COL5A1: variants seen among roughly 807,000 people sequenced by gnomAD.
COL5A1 encodes the protein collagen alpha-1(V) chain.
A neutral mutation model predicts 263.7 loss-of-function variants in COL5A1; 16 were observed. The observed-to-expected ratio is 0.06, with a 90% CI of 0.04 to 0.09. The LOEUF is 0.09. COL5A1 is among the 10% of genes least tolerant of loss of function. The probability of loss-of-function intolerance (pLI) is 1.00; values close to 1 mark genes in which losing one functional copy is unlikely to be tolerated. For synonymous variants in COL5A1, 1,012 were observed against 1,004.5 expected (o/e 1.01, Z -0.14); for missense variants, 2,036 against 2,540.5 (o/e 0.80, Z 4.27).
Position 134,810,990 on chromosome 9 carries a change from C to T in COL5A1, c.3529-349C>T, listed in dbSNP as rs113692415. ...GCACAGCAGGGGACATGGTGCTGGG[C>T]GCAAGGGCTCCAGAGGAGCTTGTGA... On this transcript the variant is annotated intron_variant, in intron 44 of 65. Coordinates refer to ENST00000371817, the MANE Select transcript of COL5A1 (RefSeq NM_000093.5). Among the ~76,000 whole-genome samples, 324 of 152,264 alleles carry T rather than the reference C, an allele frequency of 2.1e-3. 1 individual carries two copies. Among genetic ancestry groups the T allele is most frequent in the African/African-American group, 4.0e-3 (165 of 41,572 alleles).
At chr9:134,770,140 A>G (rs1027070473) in intron 25 of COL5A1, among the ~76,000 whole-genome samples, 2 of 152,262 alleles carry the variant, frequency 1.3e-5, no homozygotes, top group African/African-American at 4.8e-5. Flanking sequence ...AGCCCCAGCC[A>G]TCTCCCACGA....
chr9:134,763,163 C>T (rs1244341972), intron 19 of COL5A1, among the ~76,000 whole-genome samples: 2 of 152,210 alleles, frequency 1.3e-5, no homozygotes, highest in South Asian at 2.1e-4. Flanking sequence ...GTGAGGCGGG[C>T]GGGAAGGTGC....
chr9:134,662,291 G>GGGT (rs1832233480), intron 1 of COL5A1, among the ~76,000 whole-genome samples: 1 of 152,152 alleles, frequency 6.6e-6, no homozygotes, highest in Admixed American at 6.5e-5. Context: ...CTTCCAGGCC[G>GGGT]CTCAGGGCAG....
intron 43 of COL5A1, 25 bp from the exon 44 acceptor site, chr9:134,810,230 C>T (rs758032288): frequency 1.9e-6 from 3 of 1,613,720 alleles, no homozygotes; most frequent in Non-Finnish European, 2.5e-6. Flanking sequence ...AGCTTTCTAA[C>T]CGAATCCCCC....
chr9:134,789,275 T>C lies in COL5A1; in HGVS notation c.2700+67T>C. On this transcript the variant is annotated intron_variant, in intron 32 of 65. Transcript: ENST00000371817. The surrounding 1 kb of genome is among the most constrained non-coding windows in gnomAD (Gnocchi z 4.8). The stretch of plus-strand genomic sequence containing the variant: ...GCCTCGGTGCCTAGCAAGTTGGTTC[T>C]CCAGCCGACGGCCTGTTTATTTCTC... The C allele has an allele frequency of 1.5e-6, 2 of 1,317,700 alleles. No homozygotes were observed. Among genetic ancestry groups the C allele is most frequent in the Non-Finnish European group, 1.1e-6 (1 of 918,240 alleles). 81.6% of individuals were successfully genotyped at this position (1,317,700 alleles called of 1,614,324 possible).
At position 134,741,515 on chromosome 9, in the gene COL5A1, T is replaced by C. The variant is rs1039358222; in HGVS notation, c.1494+2707T>C. Among the ~76,000 whole-genome samples, 33 of 151,842 alleles carry C rather than the reference T, an allele frequency of 2.2e-4. No homozygotes were observed. Among genetic ancestry groups the C allele is most frequent in the African/African-American group, 7.7e-4 (32 of 41,310 alleles). On this transcript the variant is annotated intron_variant, in intron 11 of 65. Transcript: ENST00000371817. This position sits in a 1 kb window ranked among gnomAD's most constrained non-coding sequence, Gnocchi z 4.5. ...AACGAATGGAAGATTAAGGTTATCT[T>C]GGCAAAGTCTGTTGATGCAGATTCA... is the stretch of plus-strand genomic sequence containing the variant.
In COL5A1 at chr9:134,647,781, A is replaced by G. The variant is rs73556941; in HGVS notation, c.109+5485A>G. On this transcript the variant is annotated intron_variant, in intron 1 of 65. Transcript: ENST00000371817. This position sits in a 1 kb window ranked among gnomAD's most constrained non-coding sequence, Gnocchi z 5.0. ...ACATTATGGCTCCCGCTTCTCCTCT[A>G]TTTACATTCTCCCATATAATTGACT... is the stretch of plus-strand genomic sequence containing the variant. Among the ~76,000 whole-genome samples, 747 of 152,064 alleles carry G rather than the reference A, an allele frequency of 4.9e-3. 8 individuals are homozygous for G. The highest frequency in any genetic ancestry group is 0.017 in the African/African-American group (719 of 41,470).
intron 8 of COL5A1, 122 bp downstream of exon 8, chr9:134,731,785 A>G: frequency 8.8e-7 from 1 of 1,132,922 alleles, no homozygotes; most frequent in Non-Finnish European, 1.2e-6. Context: ...GTTACACCCT[A>G]TTCCCAAAAC....
chr9:134,805,821 C>T (rs34144076), intron 41 of COL5A1, among the ~76,000 whole-genome samples: 5,747 of 150,302 alleles, frequency 0.038, 133 homozygotes, highest in Non-Finnish European at 0.057. Context: ...AGGGGGTGCC[C>T]CGTGGGCTCT....
chr9:134,658,086 C>T (rs1016756186), intron 1 of COL5A1, among the ~76,000 whole-genome samples: 2 of 151,952 alleles, frequency 1.3e-5, no homozygotes, highest in Non-Finnish European at 1.5e-5. Flanking sequence ...CGTCAGGGGA[C>T]GGTGTTCAAA....
At chr9:134,828,565 A>ACAG (rs1564181162) in intron 63 of COL5A1, among the ~76,000 whole-genome samples, 4 of 147,300 alleles carry the variant, frequency 2.7e-5, no homozygotes, top group African/African-American at 1.0e-4. Flanking sequence ...CCACACACAC[A>ACAG]ATACACACCA....
chr9:134,760,435 G>C, intron 18 of COL5A1, among the ~76,000 whole-genome samples: 1 of 70,082 alleles, frequency 1.4e-5, no homozygotes, highest in Non-Finnish European at 2.5e-5. Flanking sequence ...CACCACACAT[G>C]CACACACATG....
At position 134,763,688 on chromosome 9, in the gene COL5A1, T is replaced by C. The variant is rs770536396; in HGVS notation, c.1990-5T>C. ...CTCTAACCTTGCCTTTTTTCTCCTC[T>C]GCAGGGTGACGACGGAGAAGTTGGG... is the stretch of plus-strand genomic sequence containing the variant. On this transcript the variant is annotated splice_polypyrimidine_tract_variant and splice_region_variant and intron_variant, in intron 19 of 65. Transcript: ENST00000371817. The C allele has an allele frequency of 1.7e-5, 27 of 1,613,482 alleles. No homozygotes were observed. Among genetic ancestry groups the C allele is most frequent in the Non-Finnish European group, 2.2e-5 (26 of 1,179,652 alleles).
At chr9:134,689,726 C>T (rs1460767482) in intron 1 of COL5A1, among the ~76,000 whole-genome samples, 6 of 152,184 alleles carry the variant, frequency 3.9e-5, no homozygotes, top group South Asian at 2.1e-4. Flanking sequence ...TGGGACAGGG[C>T]GGTGTCATGC....
chr9:134,827,325 G>A (rs73664154), intron 63 of COL5A1, among the ~76,000 whole-genome samples: 2,623 of 152,308 alleles, frequency 0.017, 53 homozygotes, highest in African/African-American at 0.046. Context: ...GGCTGCACAT[G>A]GCTGGAGATC....
chr9:134,785,855 CATA>C (rs1837438678), intron 30 of COL5A1, 137 bp from the exon 31 acceptor site: 1 of 763,966 alleles, frequency 1.3e-6, no homozygotes, highest in Non-Finnish European at 2.3e-6. Flanking sequence ...AGGGCTTCTG[CATA>C]ATGACGTGTG....
rs1401159897 is a variant in COL5A1, at chr9:134,841,786, G to C, written c.5371-371G>C. Among the ~76,000 whole-genome samples, 2 of 152,130 alleles carry C rather than the reference G, an allele frequency of 1.3e-5. No individual in the cohort carries two copies. Among genetic ancestry groups the C allele is most frequent in the African/African-American group, 2.4e-5 (1 of 41,432 alleles). On this transcript the variant is annotated intron_variant, in intron 65 of 65. Coordinates refer to ENST00000371817, the MANE Select transcript of COL5A1 (RefSeq NM_000093.5). The surrounding 1 kb of genome is among the most constrained non-coding windows in gnomAD (Gnocchi z 4.8). ...GTAGCTGGCCCTGGGTCCTGGGGAG[G>C]CTGCCTGGAAGTGAATACCTGGGGC...
Position 134,763,749 on chromosome 9 carries a change from A to G in COL5A1, c.2034+12A>G, listed in dbSNP as rs1412523368. ...TGCCTGGGGAGCCCGTAAGTCTGTG[A>G]GCTGAGTGGGACGGTGGGGGCTCAG... On this transcript the variant is annotated intron_variant, in intron 20 of 65. Transcript: ENST00000371817. 1 of 1,612,984 alleles carries G rather than the reference A, an allele frequency of 6.2e-7. No homozygotes were observed. The highest frequency in any genetic ancestry group is 1.1e-5 in the South Asian group (1 of 91,032).
intron 14 of COL5A1, among the ~76,000 whole-genome samples, chr9:134,752,858 C>T (rs1417014728): frequency 6.6e-6 from 1 of 152,100 alleles, no homozygotes; most frequent in Admixed American, 6.5e-5. Flanking sequence ...GGATGGGTGA[C>T]TGTGCCTCGA....
Sources: gnomAD v4.1 joint callset for allele counts (sites outside exome capture counted in the v4.1 genomes callset) on GRCh38, gnomAD v4.1.1 for gene constraint, Gnocchi (gnomAD v3.1) non-coding constraint, MANE v1.5 for transcripts, NCBI Gene and HGNC (gene_info 2026-07-23, HGNC 2026-07-21) for gene names.